Variants in CAMTA1 observed in about 807,000 individuals in gnomAD.
The protein encoded by CAMTA1 is calmodulin binding transcription activator 1, also known as calmodulin-binding transcription activator 1.
In CAMTA1, 27 loss-of-function variants were observed where a neutral mutation model predicts 170.9. That is an observed-to-expected ratio of 0.16 (90% confidence interval 0.12 to 0.22). The LOEUF (loss-of-function observed/expected upper bound fraction) is 0.22. CAMTA1 is among the 10% of genes least tolerant of loss of function. The pLI, the probability that CAMTA1 is intolerant of heterozygous loss-of-function variation, is 1.00. For missense variants in CAMTA1, 1,619 were observed against 2,217.2 expected, an observed-to-expected ratio of 0.73 and a Z score of 5.42; for synonymous variants, 833 against 891.5, an observed-to-expected ratio of 0.93 and a Z score of 1.17.
intron 5 of CAMTA1, among the ~76,000 whole-genome samples, chr1:7,425,005 G>T (rs184836694): frequency 6.6e-6 from 1 of 152,052 alleles, no homozygotes; most frequent in Non-Finnish European, 1.5e-5. Flanking sequence ...AGGGGGGCTC[G>T]GGGAATCCAA....
At chr1:7,566,062 G>A (rs2095037434) in intron 6 of CAMTA1, among the ~76,000 whole-genome samples, 1 of 152,154 alleles carries the variant, frequency 6.6e-6, no homozygotes, top group African/African-American at 2.4e-5. Context: ...GGTCACACTG[G>A]GGCTTTGAGC....
rs140476586 is a variant in CAMTA1 at position 7,663,861 on chromosome 1, T to C, written c.1314T>C (p.Asp438=). Residue 438 remains aspartate, a synonymous_variant, in exon 9 of 23, where the codon GAT becomes GAC. Transcript: ENST00000303635. Reference sequence around the variant, plus strand: ...GCCTCGTCCTGGCCGTGAGCTCTGATGGCCACAAGTTCGCCTTTCCCACCA... The same window carrying C: ...GCCTCGTCCTGGCCGTGAGCTCTGACGGCCACAAGTTCGCCTTTCCCACCA... ...SQGLVLAVSS[D]GHKFAFPTTG... is the part of the protein sequence containing the mutation. 822 of 1,614,066 alleles carry C rather than the reference T, an allele frequency of 5.1e-4. 1 individual carries two copies. The highest frequency in any genetic ancestry group is 6.3e-4 in the Non-Finnish European group (747 of 1,180,038).
intron 4 of CAMTA1, among the ~76,000 whole-genome samples, chr1:7,126,633 T>C (rs1055561312): frequency 6.6e-6 from 1 of 152,214 alleles, no homozygotes; most frequent in African/African-American, 2.4e-5. Flanking sequence ...ATGAATAATC[T>C]TTAGAACTTA....
intron 5 of CAMTA1, among the ~76,000 whole-genome samples, chr1:7,322,490 T>A (rs935101864): frequency 1.3e-5 from 2 of 152,230 alleles, no homozygotes; most frequent in Non-Finnish European, 2.9e-5. Context: ...AAAACTTTAT[T>A]TATAAAAACA....
At chr1:7,337,702 A>G (rs2083488721) in intron 5 of CAMTA1, among the ~76,000 whole-genome samples, 1 of 151,730 alleles carries the variant, frequency 6.6e-6, no homozygotes, top group Admixed American at 6.6e-5. Flanking sequence ...ATCCAGTCAC[A>G]ATGTGGGTGA....
chr1:6,899,726 G>A (rs879304706), intron 3 of CAMTA1, among the ~76,000 whole-genome samples: 2 of 152,246 alleles, frequency 1.3e-5, no homozygotes, highest in African/African-American at 2.4e-5. Context: ...AGTTGATACT[G>A]TAGATATGAC....
rs766600146 is a variant in CAMTA1, at chr1:6,947,951, A to T, written c.234+122741A>T. On this transcript the variant is annotated intron_variant, in intron 3 of 22. Transcript: ENST00000303635. Reference sequence around the variant, plus strand: ...TTCTTCAGGATTTTCTACATACAAGATCATCTCATCTGTGAATTGAGACAG... The same window carrying T: ...TTCTTCAGGATTTTCTACATACAAGTTCATCTCATCTGTGAATTGAGACAG... 7.3e-4 allele frequency among the ~76,000 whole-genome samples: 111 copies of T among 152,304 alleles called. 1 individual carries two copies. The highest frequency in any genetic ancestry group is 6.8e-3 in the Middle Eastern group (2 of 294).
chr1:6,956,679 C>G (rs928826311), intron 3 of CAMTA1, among the ~76,000 whole-genome samples: 10 of 152,192 alleles, frequency 6.6e-5, no homozygotes, highest in Admixed American at 2.0e-4. Flanking sequence ...AGAGGGAGCA[C>G]CAAGGATGGC....
intron 3 of CAMTA1, among the ~76,000 whole-genome samples, chr1:7,073,455 C>G (rs747998332): frequency 4.5e-4 from 69 of 151,992 alleles, no homozygotes; most frequent in Non-Finnish European, 8.2e-4. Flanking sequence ...GGTGAGATGA[C>G]TGGGGAGGGA....
chr1:7,500,224 T>TGTGTGTGC lies in CAMTA1; in HGVS notation c.510+32323_510+32324insGTGTGTGC, dbSNP rs1491585894. On this transcript the variant is annotated intron_variant, in intron 6 of 22. Coordinates refer to ENST00000303635, the MANE Select transcript of CAMTA1 (RefSeq NM_015215.4). ...GTGTGCGTGTGTATGTATATGAGTG[T>TGTGTGTGC]ATGTGTGTTCATGAGTGAGTGTGTA... Among the ~76,000 whole-genome samples, 162 of 134,820 alleles carry TGTGTGTGC rather than the reference T, an allele frequency of 1.2e-3. 2 individuals are homozygous for TGTGTGTGC. Among genetic ancestry groups the TGTGTGTGC allele is most frequent in the Middle Eastern group, 5.1e-3 (1 of 198 alleles). The allele number at this position is 134,820 out of a possible 152,430, so 88.4% of individuals were successfully genotyped here. A position where few individuals can be genotyped will look rare whatever the true frequency, so the allele number is the denominator to read the frequency against.
At chr1:7,257,075 GC>G (rs1477783236) in intron 5 of CAMTA1, among the ~76,000 whole-genome samples, 1 of 119,462 alleles carries the variant, frequency 8.4e-6, no homozygotes, top group Non-Finnish European at 1.8e-5. Flanking sequence ...CCATCGCATG[GC>G]GGGGGCGGGG....
At position 7,147,294 on chromosome 1, in the gene CAMTA1, A is replaced by G. The variant is rs138837573; in HGVS notation, c.302+55923A>G. Among the ~76,000 whole-genome samples, 972 of 151,972 alleles carry G rather than the reference A, an allele frequency of 6.4e-3. 10 individuals carry two copies. The highest frequency in any genetic ancestry group is 0.021 in the African/African-American group (887 of 41,374). ...ACAAAATTAGCTGGGTGTGGTGGTG[A>G]GCACCTATAGTCCCAGCTACTTGGG... is the stretch of plus-strand genomic sequence containing the variant. On this transcript the variant is annotated intron_variant, in intron 4 of 22. Coordinates refer to ENST00000303635, the MANE Select transcript of CAMTA1 (RefSeq NM_015215.4).
rs1247668215 is a variant in CAMTA1 at position 7,751,401 on chromosome 1, A to G, written c.4883+9A>G. 1 of 1,573,930 alleles carries G rather than the reference A, an allele frequency of 6.4e-7. No homozygotes were observed. The highest frequency in any genetic ancestry group is 1.4e-5 in the African/African-American group (1 of 72,774). On this transcript the variant is annotated intron_variant, in intron 20 of 22. Coordinates refer to ENST00000303635, the MANE Select transcript of CAMTA1 (RefSeq NM_015215.4). ...GTACAACAGAAACTCAGGTGGGTGGAGAAGAGCTCATGGAGGTAAAGCTCC... is the reference window on the plus strand; with the variant it reads ...GTACAACAGAAACTCAGGTGGGTGGGGAAGAGCTCATGGAGGTAAAGCTCC...
Position 7,072,781 on chromosome 1 carries a change from C to T in CAMTA1, c.235-18523C>T, listed in dbSNP as rs151194146. Among the ~76,000 whole-genome samples, 816 of 152,288 alleles carry T rather than the reference C, an allele frequency of 5.4e-3. 7 individuals carry two copies. The highest frequency in any genetic ancestry group is 0.018 in the African/African-American group (765 of 41,560). On this transcript the variant is annotated intron_variant, in intron 3 of 22. Transcript: ENST00000303635. ...TTCTGAGGGAAGAGTTTCTTCTAGG[C>T]ACAAGGGATGCAGGTGCAGAAGCCC...
Position 7,335,146 on chromosome 1 carries a change from G to T in CAMTA1, c.438+85520G>T, listed in dbSNP as rs868073446. On this transcript the variant is annotated intron_variant, in intron 5 of 22. Transcript: ENST00000303635. ...CTTTTGTGTGTGTGTGTGTGGGGGG[G>T]GGGGGGGGGGGTGGGGGTGGGGGGT... 7.6e-3 allele frequency among the ~76,000 whole-genome samples: 846 copies of T among 111,974 alleles called. 1 individual carries two copies. The highest frequency in any genetic ancestry group is 0.017 in the Middle Eastern group (4 of 234). 73.5% of individuals were successfully genotyped at this position (111,974 alleles called of 152,430 possible).
intron 3 of CAMTA1, among the ~76,000 whole-genome samples, chr1:6,989,507 T>G (rs1039479504): frequency 6.6e-6 from 1 of 152,144 alleles, no homozygotes; most frequent in Non-Finnish European, 1.5e-5. Context: ...GAGGCTGTTT[T>G]GCATATTTCC....
chr1:7,243,311 C>T (rs1348236350), intron 4 of CAMTA1, among the ~76,000 whole-genome samples: 1 of 152,164 alleles, frequency 6.6e-6, no homozygotes, highest in Non-Finnish European at 1.5e-5. Flanking sequence ...GTTATGACTT[C>T]ACATTTATAG....
At chr1:6,821,552 A>G (rs1646485604) in intron 2 of CAMTA1, among the ~76,000 whole-genome samples, 1 of 152,200 alleles carries the variant, frequency 6.6e-6, no homozygotes, top group South Asian at 2.1e-4. Flanking sequence ...ATACACTGTT[A>G]TACCAAACTG....
intron 3 of CAMTA1, among the ~76,000 whole-genome samples, chr1:6,839,780 A>C (rs1654913488): frequency 6.6e-6 from 1 of 152,216 alleles, no homozygotes; most frequent in African/African-American, 2.4e-5. Context: ...GCCCTGAGGC[A>C]GGAATGTGCT....
Sources: allele counts gnomAD v4.1 joint callset (sites outside exome capture counted in the v4.1 genomes callset), GRCh38; gene constraint gnomAD v4.1.1; transcripts MANE v1.5; gene names NCBI Gene and HGNC (gene_info 2026-07-23, HGNC 2026-07-21).